The following SRSF1 variants were observed in gnomAD, a reference collection of about 807,000 sequenced individuals.
SRSF1 encodes serine/arginine-rich splicing factor 1.
Under a neutral mutation model 25.9 loss-of-function variants are expected in SRSF1, and 1 was observed. The observed-to-expected ratio is 0.04, with a 90% CI of 0.01 to 0.18. The LOEUF (loss-of-function observed/expected upper bound fraction) is 0.18, where lower values mean the gene tolerates loss of function less well. Ranked by LOEUF, SRSF1 falls within the 10% of genes least tolerant of loss-of-function variation. The pLI is 1.00. For missense variants in SRSF1, 65 were observed against 350.5 expected (o/e 0.19, Z 6.50); for synonymous variants, 132 against 126.2 (o/e 1.05, Z -0.31).
Position 58,003,023 on chromosome 17 carries a change from A to G in SRSF1, c.*2383T>C, listed in dbSNP as rs1441348398. On this transcript the variant is annotated 3_prime_UTR_variant, in exon 4 of 4. Transcript: ENST00000258962. ...CGAGACTCTGTCTCAAAAACAAAAA[A>G]CAGTTCTAATACATCTGTGCTGATG... Among the ~76,000 whole-genome samples, 2 of 152,208 alleles carry G rather than the reference A, an allele frequency of 1.3e-5. No homozygotes were observed. Among genetic ancestry groups the G allele is most frequent in the Non-Finnish European group, 2.9e-5 (2 of 68,036 alleles).
At position 58,006,455 on chromosome 17, in the gene SRSF1, A is replaced by G. The variant is rs2075428525; in HGVS notation, c.267T>C (p.Pro89=). ...YDGYRLRVEF[P]RSGRGTGRGG... ...CTCGGCCTGTTCCACGGCCGCTTCG[A>G]GGAAACTCCACCCGCAGACGGTACC... The change falls in exon 2 of 4, where the codon CCT becomes CCC. Residue 89 remains proline, a synonymous_variant. Transcript: ENST00000258962. 2 of 1,601,956 alleles carry G rather than the reference A, an allele frequency of 1.2e-6. No homozygotes were observed. Among genetic ancestry groups the G allele is most frequent in the Non-Finnish European group, 1.7e-6 (2 of 1,175,092 alleles).
At chr17:57,996,762 G>A (rs745373886), downstream of SRSF1, among the ~76,000 whole-genome samples, 43 of 152,144 alleles carry the variant, frequency 2.8e-4, no homozygotes, top group Non-Finnish European at 5.6e-4. Context: ...ATGTATGGAT[G>A]CTGGGTCTCT....
chr17:57,998,230 T>C (rs764475595), downstream of SRSF1, among the ~76,000 whole-genome samples: 36 of 152,118 alleles, frequency 2.4e-4, no homozygotes, highest in Middle Eastern at 0.01. Flanking sequence ...ACAAAAAAAA[T>C]GTGAATGTCA....
chr17:58,006,791 T>A (rs2075432335), intron 1 of SRSF1, 153 bp downstream of exon 1: 1 of 1,017,552 alleles, frequency 9.8e-7, no homozygotes, highest in Non-Finnish European at 1.4e-6. Flanking sequence ...CCACATCAAC[T>A]CAGCTCCTTA....
At chr17:57,994,387 G>A in the SRSF1 span, 1 of 152,184 alleles carries the variant, frequency 6.6e-6, no homozygotes, top group Non-Finnish European at 1.5e-5. Flanking sequence ...CTTCTCCCGA[G>A]AGAACTGAGA....
At chr17:57,999,682 T>G (rs1408491230), downstream of SRSF1, among the ~76,000 whole-genome samples, 1 of 152,174 alleles carries the variant, frequency 6.6e-6, no homozygotes, top group Non-Finnish European at 1.5e-5. Flanking sequence ...TATAGCTCCC[T>G]CTAGTGGCTA....
chr17:57,990,486 C>T, the SRSF1 span: 1 of 152,128 alleles, frequency 6.6e-6, no homozygotes, highest in South Asian at 2.1e-4. Context: ...AACAAGTACT[C>T]AAAAACAATC....
downstream of SRSF1, among the ~76,000 whole-genome samples, chr17:57,996,495 A>AAAC (rs1262545084): frequency 3.3e-5 from 5 of 150,908 alleles, no homozygotes; most frequent in African/African-American, 1.2e-4. Flanking sequence ...AAAAAAAAAA[A>AAAC]AAAAAAAACA....
rs2075391107 is a variant in SRSF1 at position 58,001,638 on chromosome 17, T to C, written c.*3768A>G. Among the ~76,000 whole-genome samples the C allele has an allele frequency of 6.6e-6, 1 of 152,138 alleles. No individual in the cohort carries two copies. Among genetic ancestry groups the C allele is most frequent in the African/African-American group, 2.4e-5 (1 of 41,430 alleles). ...CTAAAATATTCTAAGGGGACATAAA[T>C]AGGGAGAAGAGGGGGAAATTCCAAG... is the stretch of plus-strand genomic sequence containing the variant. On this transcript the variant is annotated 3_prime_UTR_variant, in exon 4 of 4. Transcript: ENST00000258962.
rs115948718 is a variant in SRSF1, at chr17:58,002,218, A to C, written c.*3188T>G. Reference sequence around the variant, plus strand: ...TTTGGCCATTACATTGAATTCTTAGATAAAAAGAGCTACATCCTTAAACTT... The same window carrying C: ...TTTGGCCATTACATTGAATTCTTAGCTAAAAAGAGCTACATCCTTAAACTT... On this transcript the variant is annotated 3_prime_UTR_variant, in exon 4 of 4. Transcript: ENST00000258962. Among the ~76,000 whole-genome samples the C allele has an allele frequency of 9.5e-3, 1,451 of 152,324 alleles. 22 individuals carry two copies. The highest frequency in any genetic ancestry group is 0.034 in the African/African-American group (1,394 of 41,564).
chr17:58,005,682 A>C lies in SRSF1; in HGVS notation c.553-82T>G. 1 of 1,607,754 alleles carries C rather than the reference A, an allele frequency of 6.2e-7. No homozygotes were observed. Among genetic ancestry groups the C allele is most frequent in the Non-Finnish European group, 8.5e-7 (1 of 1,176,024 alleles). On this transcript the variant is annotated intron_variant, in intron 3 of 3. Transcript: ENST00000258962. This position sits in a 1 kb window ranked among gnomAD's most constrained non-coding sequence, Gnocchi z 5.2. ...CATGCTGAATGAATACAATGTAACTAAAACCAGAAATCTGGCAATTTACTT... is the reference window on the plus strand; with the variant it reads ...CATGCTGAATGAATACAATGTAACTCAAACCAGAAATCTGGCAATTTACTT...
chr17:57,998,481 C>T (rs1469964211), downstream of SRSF1, among the ~76,000 whole-genome samples: 2 of 152,180 alleles, frequency 1.3e-5, no homozygotes, highest in South Asian at 2.1e-4. Context: ...TAGCACTTTA[C>T]AATCTCCAGG....
rs2075429000 is a variant in SRSF1 at position 58,006,512 on chromosome 17, C to T, written c.210G>A (p.Ala70=). ...AATCATAGCCGTCGCGACCATACAC[C>T]GCGTCTTCCGCGTCTCTGCGGGATC... ...EFEDPRDAED[A]VYGRDGYDYD... Residue 70 remains alanine, a synonymous_variant, in exon 2 of 4, where the codon GCG becomes GCA. Transcript: ENST00000258962. 2.5e-6 allele frequency: 4 copies of T among 1,612,428 alleles called. No individual in the cohort carries two copies. Among genetic ancestry groups the T allele is most frequent in the African/African-American group, 1.3e-5 (1 of 74,904 alleles).
chr17:58,006,681 C>T (rs2075431142), intron 1 of SRSF1, 154 bp from the exon 2 acceptor site: 3 of 983,048 alleles, frequency 3.1e-6, no homozygotes, highest in Non-Finnish European at 4.4e-6. Context: ...CCCAGAAACA[C>T]GCCAGGCTCC....
In SRSF1 at chr17:58,006,518, T is replaced by C; in HGVS notation, c.204A>G (p.Glu68=). The change falls in exon 2 of 4, where the codon GAA becomes GAG. Residue 68 remains glutamate (E), a synonymous_variant. Transcript: ENST00000258962. ...FVEFEDPRDA[E]DAVYGRDGYD... is the part of the protein sequence containing the mutation. ...AGCCGTCGCGACCATACACCGCGTC[T>C]TCCGCGTCTCTGCGGGATCGCAGAA... 6.2e-7 allele frequency: 1 copy of C among 1,612,546 alleles called. No individual in the cohort carries two copies. Among genetic ancestry groups the C allele is most frequent in the Non-Finnish European group, 8.5e-7 (1 of 1,179,278 alleles).
At chr17:57,989,980 T>C in the SRSF1 span, 1 of 376,870 alleles carries the variant, frequency 2.7e-6, no homozygotes, top group Non-Finnish European at 4.7e-6. Flanking sequence ...ATTCAGTGGA[T>C]AGCAAATCTG....
chr17:57,994,404 A>G, the SRSF1 span: 1 of 152,228 alleles, frequency 6.6e-6, no homozygotes, highest in Non-Finnish European at 1.5e-5. Context: ...GAGAAAATTC[A>G]GGTAAACTTG....
the SRSF1 span, chr17:57,992,465 A>G: frequency 6.6e-6 from 1 of 152,174 alleles, no homozygotes; most frequent in Non-Finnish European, 1.5e-5. Context: ...TGCTAACAGT[A>G]AAAGTAGTAA....
At chr17:58,000,578 G>T (rs1200806808), downstream of SRSF1, among the ~76,000 whole-genome samples, 1 of 152,134 alleles carries the variant, frequency 6.6e-6, no homozygotes, top group East Asian at 1.9e-4. Context: ...AAAGAAATGT[G>T]GGCCATACCT....
Sources: gnomAD v4.1 joint callset for allele counts (sites outside exome capture counted in the v4.1 genomes callset) on GRCh38, gnomAD v4.1.1 for gene constraint, Gnocchi (gnomAD v3.1) non-coding constraint, MANE v1.5 for transcripts, NCBI Gene and HGNC (gene_info 2026-07-23, HGNC 2026-07-21) for gene names.